The following RAP1B variants were observed in gnomAD, a reference collection of about 807,000 sequenced individuals.
RAP1B encodes the protein ras-related protein Rap-1b.
A neutral mutation model predicts 27.5 loss-of-function variants in RAP1B; 1 was observed. The ratio of observed to expected loss-of-function variants is 0.04; its 90% CI spans 0.01 to 0.17. The LOEUF (loss-of-function observed/expected upper bound fraction) is 0.17, where lower values mean the gene tolerates loss of function less well. Among genes scored for constraint, RAP1B ranks in the 10% least tolerant of loss-of-function variants. RAP1B has a pLI of 1.00. For synonymous variants in RAP1B, 75 were observed against 73.1 expected (o/e 1.03, Z -0.13); for missense variants, 84 against 214.8 (o/e 0.39, Z 3.81).
chr12:68,668,608 A>C lies in RAP1B; in HGVS notation c.*9359A>C, dbSNP rs1479163583. 3.9e-5 allele frequency: 6 copies of C among 152,218 alleles called. No individual in the cohort carries two copies. In the South Asian group the frequency reaches 8.3e-4, roughly 21 times the overall value. 9.4% of individuals were successfully genotyped at this position (152,218 alleles called of 1,614,324 possible). A position where few individuals can be genotyped will look rare whatever the true frequency, so the allele number is the denominator to read the frequency against. The stretch of plus-strand genomic sequence containing the variant: ...TTCTTTTCCAAAGAGAAATAACGTT[A>C]ACAATCTGAAATCATCCCTGCACAG... On this transcript the variant is annotated 3_prime_UTR_variant, in exon 8 of 8. Coordinates refer to ENST00000250559, the MANE Select transcript of RAP1B (RefSeq NM_001010942.3).
chr12:68,618,272 T>G (rs1283932643), intron 1 of RAP1B, among the ~76,000 whole-genome samples: 1 of 151,652 alleles, frequency 6.6e-6, no homozygotes, highest in Non-Finnish European at 1.5e-5. Context: ...GTATTTTTCT[T>G]AGAGACGGGG....
intron 1 of RAP1B, among the ~76,000 whole-genome samples, chr12:68,646,672 G>A (rs1427353762): frequency 6.6e-6 from 1 of 152,200 alleles, no homozygotes; most frequent in Non-Finnish European, 1.5e-5. Flanking sequence ...CTCACTCCCA[G>A]TGGAGGAAGG....
At chr12:68,612,756 T>C (rs1870696390) in intron 1 of RAP1B, among the ~76,000 whole-genome samples, 1 of 152,228 alleles carries the variant, frequency 6.6e-6, no homozygotes, top group Non-Finnish European at 1.5e-5. Context: ...GCCTGAATGA[T>C]AGTCTTATTT....
intron 1 of RAP1B, among the ~76,000 whole-genome samples, chr12:68,629,720 G>A (rs1267630929): frequency 6.6e-6 from 1 of 151,974 alleles, no homozygotes; most frequent in Non-Finnish European, 1.5e-5. Context: ...TGTTAACTAA[G>A]TGAATAATGT....
chr12:68,653,215 AAAAG>A (rs1413185034), intron 4 of RAP1B, among the ~76,000 whole-genome samples: 2 of 152,144 alleles, frequency 1.3e-5, no homozygotes, highest in Admixed American at 6.5e-5. Context: ...TTTCAAAAGA[AAAAG>A]AAATATTTTG....
chr12:68,630,775 C>T (rs888522385), intron 1 of RAP1B, among the ~76,000 whole-genome samples: 2 of 151,954 alleles, frequency 1.3e-5, no homozygotes, highest in South Asian at 4.1e-4. Flanking sequence ...CCTCCCCAGG[C>T]TCAGGTGATC....
chr12:68,641,175 T>A (rs1872973325), intron 1 of RAP1B: 1 of 152,322 alleles, frequency 6.6e-6, no homozygotes, highest in African/African-American at 2.4e-5. Flanking sequence ...TACACTTGGC[T>A]AATTTTCATA....
At chr12:68,631,962 CT>C (rs775056894) in intron 1 of RAP1B, among the ~76,000 whole-genome samples, 1 of 152,084 alleles carries the variant, frequency 6.6e-6, no homozygotes, top group Non-Finnish European at 1.5e-5. Context: ...AGACATGAGA[CT>C]TTCCGTGCTT....
chr12:68,628,778 C>A (rs1464135318), intron 1 of RAP1B, among the ~76,000 whole-genome samples: 2 of 152,184 alleles, frequency 1.3e-5, no homozygotes, highest in South Asian at 4.1e-4. Context: ...TAAATAAAAT[C>A]AAAATTTTAG....
intron 1 of RAP1B, among the ~76,000 whole-genome samples, chr12:68,625,793 G>A (rs1017108291): frequency 1.3e-5 from 2 of 151,942 alleles, no homozygotes; most frequent in African/African-American, 2.4e-5. Context: ...GTGGTGGCGC[G>A]CACCTGTAGT....
intron 1 of RAP1B, among the ~76,000 whole-genome samples, chr12:68,637,859 G>A (rs1179834005): frequency 1.3e-5 from 2 of 151,912 alleles, no homozygotes; most frequent in African/African-American, 4.8e-5. Flanking sequence ...CTCTTAAAAT[G>A]TCAGTTATTT....
rs1220351102 is a variant in RAP1B, at chr12:68,665,011, G to A, written c.*5762G>A. On this transcript the variant is annotated 3_prime_UTR_variant, in exon 8 of 8. Coordinates refer to ENST00000250559, the MANE Select transcript of RAP1B (RefSeq NM_001010942.3). Reference sequence around the variant, plus strand: ...ATGTGGCTGGCAGAAAAAAATAAGTGCGTGTGGTGGTGCTTGCCTGTAATC... The same window carrying A: ...ATGTGGCTGGCAGAAAAAAATAAGTACGTGTGGTGGTGCTTGCCTGTAATC... 1.3e-5 allele frequency: 2 copies of A among 152,148 alleles called. No individual in the cohort carries two copies. The highest frequency in any genetic ancestry group is 2.4e-5 in the African/African-American group (1 of 41,436). The allele number at this position is 152,148 out of a possible 1,614,324, so 9.4% of individuals were successfully genotyped here. A position where few individuals can be genotyped will look rare whatever the true frequency, so the allele number is the denominator to read the frequency against.
At chr12:68,629,695 T>C (rs945304177) in intron 1 of RAP1B, among the ~76,000 whole-genome samples, 1 of 152,178 alleles carries the variant, frequency 6.6e-6, no homozygotes. Context: ...ATGAATGATC[T>C]TAAACAACTC....
chr12:68,624,863 C>A (rs1871636450), intron 1 of RAP1B: 1 of 152,226 alleles, frequency 6.6e-6, no homozygotes, highest in Non-Finnish European at 1.5e-5. Flanking sequence ...TTGATAGTGA[C>A]AAGGATTGAA....
chr12:68,637,138 G>T (rs985085472), intron 1 of RAP1B, among the ~76,000 whole-genome samples: 1 of 152,132 alleles, frequency 6.6e-6, no homozygotes, highest in Non-Finnish European at 1.5e-5. Flanking sequence ...TCTTTATTCA[G>T]CAAACATTTA....
intron 1 of RAP1B, among the ~76,000 whole-genome samples, chr12:68,631,508 C>CTG (rs1338573152): frequency 6.6e-6 from 1 of 152,166 alleles, no homozygotes; most frequent in Non-Finnish European, 1.5e-5. Context: ...GAGCTCTTCA[C>CTG]TGATACTCAG....
rs1014987669 is a variant in RAP1B at position 68,668,921 on chromosome 12, A to G, written c.*9672A>G. 5 of 152,178 alleles carry G rather than the reference A, an allele frequency of 3.3e-5. No homozygotes were observed. The highest frequency in any genetic ancestry group is 1.3e-4 in the Admixed American group (2 of 15,278). 9.4% of individuals were successfully genotyped at this position (152,178 alleles called of 1,614,324 possible). ...CTAAGCACTTTACATGTGTTGTTCA[A>G]CCCTCAGCAATGCTATGAAATAGGG... On this transcript the variant is annotated 3_prime_UTR_variant, in exon 8 of 8. Coordinates refer to ENST00000250559, the MANE Select transcript of RAP1B (RefSeq NM_001010942.3).
At position 68,662,029 on chromosome 12, in the gene RAP1B, TA is replaced by T. The variant is rs1320503583; in HGVS notation, c.*2781del. On this transcript the variant is annotated 3_prime_UTR_variant, in exon 8 of 8. Transcript: ENST00000250559. ...AGGTCTATATATATATATATATATA[TA>T]TATTATATATAGTACATATATAGAG... The T allele has an allele frequency of 6.9e-6, 1 of 145,780 alleles. No homozygotes were observed. Among genetic ancestry groups the T allele is most frequent in the Admixed American group, 6.9e-5 (1 of 14,416 alleles). The allele number at this position is 145,780 out of a possible 1,614,324, so 9.0% of individuals were successfully genotyped here.
At chr12:68,634,193 G>A (rs956930987) in intron 1 of RAP1B, among the ~76,000 whole-genome samples, 2 of 152,172 alleles carry the variant, frequency 1.3e-5, no homozygotes, top group Non-Finnish European at 1.5e-5. Context: ...TTAAAAAATA[G>A]CAAATTAACA....
Sources: gnomAD v4.1 joint callset for allele counts (sites outside exome capture counted in the v4.1 genomes callset) on GRCh38, gnomAD v4.1.1 for gene constraint, MANE v1.5 for transcripts, NCBI Gene and HGNC (gene_info 2026-07-23, HGNC 2026-07-21) for gene names.